The following ADAM2 variants were observed in gnomAD, a reference collection of about 807,000 sequenced individuals.
ADAM2 encodes ADAM metallopeptidase domain 2, also known as disintegrin and metalloproteinase domain-containing protein 2.
Under a neutral mutation model 99.3 loss-of-function variants are expected in ADAM2, and 101 were observed. The observed-to-expected ratio is 1.02, with a 90% confidence interval of 0.87 to 1.20. ADAM2 has a LOEUF of 1.20. ADAM2 is among the 50% of genes most tolerant of loss of function. The pLI, the probability that ADAM2 is intolerant of heterozygous loss-of-function variation, is 0.00. For synonymous variants in ADAM2, 323 were observed against 287.6 expected, an observed-to-expected ratio of 1.12 and a Z score of -1.25; for missense variants, 948 against 878.7, an observed-to-expected ratio of 1.08 and a Z score of -1.00.
intron 16 of ADAM2, among the ~76,000 whole-genome samples, chr8:39,750,486 A>G (rs1823690710): frequency 1.3e-5 from 2 of 152,164 alleles, no homozygotes; most frequent in Admixed American, 6.5e-5. Flanking sequence ...CTATATTTAC[A>G]TATTGGAAGA....
chr8:39,798,749 C>A (rs1035839419), intron 7 of ADAM2, among the ~76,000 whole-genome samples: 1 of 152,132 alleles, frequency 6.6e-6, no homozygotes, highest in Non-Finnish European at 1.5e-5. Flanking sequence ...GACTCAACAT[C>A]TTCCTGGTTT....
intron 7 of ADAM2, among the ~76,000 whole-genome samples, chr8:39,798,574 C>A (rs1487339768): frequency 2.6e-5 from 4 of 152,092 alleles, no homozygotes; most frequent in Non-Finnish European, 5.9e-5. Context: ...AGGGAGGAGT[C>A]CCTCCTTTTC....
At chr8:39,751,692 A>T (rs760574819) in intron 16 of ADAM2, among the ~76,000 whole-genome samples, 2 of 152,212 alleles carry the variant, frequency 1.3e-5, no homozygotes, top group Non-Finnish European at 2.9e-5. Context: ...ATTCTTCACC[A>T]AACTCTCTAA....
At chr8:39,798,788 A>G (rs926840938) in intron 7 of ADAM2, among the ~76,000 whole-genome samples, 5 of 152,034 alleles carry the variant, frequency 3.3e-5, no homozygotes, top group Admixed American at 1.3e-4. Flanking sequence ...GCATCCAGGA[A>G]CTTATCCATT....
intron 7 of ADAM2, among the ~76,000 whole-genome samples, chr8:39,797,062 A>G (rs1249475656): frequency 6.6e-6 from 1 of 151,932 alleles, no homozygotes; most frequent in Non-Finnish European, 1.5e-5. Flanking sequence ...TTTAGATCCT[A>G]TTTGTCAATT....
chr8:39,761,736 T>C (rs1251886948), intron 14 of ADAM2, among the ~76,000 whole-genome samples: 1 of 152,302 alleles, frequency 6.6e-6, no homozygotes, highest in South Asian at 2.1e-4. Flanking sequence ...TCATTCACCC[T>C]CCCATCATCC....
chr8:39,796,574 G>A (rs1305192659), intron 7 of ADAM2, among the ~76,000 whole-genome samples: 4 of 152,104 alleles, frequency 2.6e-5, no homozygotes, highest in African/African-American at 9.7e-5. Flanking sequence ...GGATTGCTGG[G>A]CCAAATGGTA....
chr8:39,771,485 G>C (rs1450848187), intron 11 of ADAM2, among the ~76,000 whole-genome samples: 1 of 152,066 alleles, frequency 6.6e-6, no homozygotes, highest in East Asian at 1.9e-4. Flanking sequence ...ATTATTCTAA[G>C]TAGTATTAAC....
intron 4 of ADAM2, 73 bp from the exon 5 acceptor site, chr8:39,821,735 A>G: frequency 9.4e-7 from 1 of 1,069,152 alleles, no homozygotes; most frequent in Non-Finnish European, 1.4e-6. Flanking sequence ...TATGTAAAAC[A>G]TATATGTGTT....
chr8:39,808,145 T>C (rs1427510821), intron 7 of ADAM2, among the ~76,000 whole-genome samples: 18 of 151,868 alleles, frequency 1.2e-4, no homozygotes, highest in African/African-American at 2.4e-5. Context: ...AACAAAGTTA[T>C]GTTTTATCAC....
chr8:39,823,707 A>G (rs956092199), intron 4 of ADAM2, among the ~76,000 whole-genome samples: 1 of 151,934 alleles, frequency 6.6e-6, no homozygotes, highest in Non-Finnish European at 1.5e-5. Context: ...AAATACAAAC[A>G]CACATACGCA....
intron 3 of ADAM2, among the ~76,000 whole-genome samples, chr8:39,833,599 TCTG>T (rs1401298040): frequency 6.6e-6 from 1 of 152,104 alleles, no homozygotes; most frequent in Admixed American, 6.5e-5. Context: ...CATCCAGCAA[TCTG>T]CTATGTTCTT....
rs551759731 is a variant in ADAM2, at chr8:39,758,168, T to C, written c.1614-2257A>G. On this transcript the variant is annotated intron_variant, in intron 15 of 20. Transcript: ENST00000265708. ...TTTACATGAATGAATATGTGATACA[T>C]GTATGTGCATATATGAAATGCATGT... Among the ~76,000 whole-genome samples, 8 of 152,228 alleles carry C rather than the reference T, an allele frequency of 5.3e-5. No homozygotes were observed. In the South Asian group the frequency reaches 1.7e-3, roughly 32 times the overall value.
chr8:39,755,802 C>T lies in ADAM2; in HGVS notation c.1723G>A (p.Val575Met), dbSNP rs777390090. 4 of 1,612,860 alleles carry T rather than the reference C, an allele frequency of 2.5e-6. No homozygotes were observed. The South Asian group carries it at 3.3e-5, about 13-fold the overall frequency. The change falls in exon 16 of 21, where the codon GTG becomes ATG. Residue 575 changes from valine to methionine, a missense_variant. Transcript: ENST00000265708. ...ANISGHLCIAVEFASDHADSQ... is the reference protein window; with the variant it reads ...ANISGHLCIAMEFASDHADSQ... ...TCTGCATGATCACTGGCAAATTCCA[C>T]AGCAATGCAGAGATGTCCACTTATG...
At chr8:39,834,732 C>CAAAAA (rs79431764) in intron 2 of ADAM2, among the ~76,000 whole-genome samples, 11,205 of 52,580 alleles carry the variant, frequency 0.21, 1,413 homozygotes, top group Non-Finnish European at 0.23. Context: ...AAGACTCCAT[C>CAAAAA]AAAAAAAAAA....
intron 4 of ADAM2, among the ~76,000 whole-genome samples, chr8:39,822,753 TTTTG>T (rs892887384): frequency 6.8e-5 from 9 of 131,596 alleles, no homozygotes; most frequent in Admixed American, 1.5e-4. Context: ...TCTGTTTTTT[TTTTG>T]TTTTGTTTTG....
chr8:39,803,272 T>C (rs901322578), intron 7 of ADAM2, among the ~76,000 whole-genome samples: 1 of 151,984 alleles, frequency 6.6e-6, no homozygotes, highest in Non-Finnish European at 1.5e-5. Context: ...CTAAAATGAG[T>C]CACTCATACT....
chr8:39,830,457 G>A (rs1805568741), intron 3 of ADAM2, among the ~76,000 whole-genome samples: 1 of 152,082 alleles, frequency 6.6e-6, no homozygotes, highest in Admixed American at 6.5e-5. Context: ...AGAGCTTGGA[G>A]TCTAAAATAT....
chr8:39,779,487 A>G (rs953966640), intron 10 of ADAM2, among the ~76,000 whole-genome samples: 2 of 152,166 alleles, frequency 1.3e-5, no homozygotes, highest in Non-Finnish European at 2.9e-5. Flanking sequence ...CTCAGTCCAG[A>G]CTAGTATAAA....
Sources: gnomAD v4.1 joint callset for allele counts (sites outside exome capture counted in the v4.1 genomes callset) on GRCh38, gnomAD v4.1.1 for gene constraint, MANE v1.5 for transcripts, NCBI Gene and HGNC (gene_info 2026-07-23, HGNC 2026-07-21) for gene names.